The following ATRNL1 variants were observed in gnomAD, a reference collection of about 807,000 sequenced individuals.
ATRNL1 encodes attractin like 1.
Under a neutral mutation model 182.7 loss-of-function variants are expected in ATRNL1, and 95 were observed. The ratio of observed to expected loss-of-function variants is 0.52; its 90% CI spans 0.44 to 0.62. ATRNL1 has a LOEUF of 0.62. ATRNL1 is among the 20% of genes least tolerant of loss of function. ATRNL1 has a pLI of 0.00. For synonymous variants in ATRNL1, 576 were observed against 568.3 expected (o/e 1.01, Z -0.19); for missense variants, 1,471 against 1,679.5 (o/e 0.88, Z 2.17).
Position 115,171,189 on chromosome 10 carries a change from A to G in ATRNL1, c.1245A>G (p.Ser415=), listed in dbSNP as rs1554885462. The change falls in exon 8 of 29, where the codon TCA becomes TCG. Residue 415 remains serine (S), a synonymous_variant. Transcript: ENST00000355044. ...AGCAGTATGCTGTGGAGGGACATTC[A>G]GCACATATTATGGAGTTGGATAGTA... is the stretch of plus-strand genomic sequence containing the variant. ...HGQQYAVEGH[S]AHIMELDSRD... 1.2e-6 allele frequency: 2 copies of G among 1,611,510 alleles called. No individual in the cohort carries two copies. The highest frequency in any genetic ancestry group is 2.2e-5 in the East Asian group (1 of 44,728).
intron 17 of ATRNL1, among the ~76,000 whole-genome samples, chr10:115,313,845 A>G (rs919913645): frequency 2.0e-5 from 3 of 152,298 alleles, no homozygotes; most frequent in Middle Eastern, 6.8e-3. Flanking sequence ...AATAATTGGA[A>G]TGCCAAGCCA....
chr10:115,871,282 A>G (rs1951572620), intron 28 of ATRNL1, among the ~76,000 whole-genome samples: 2 of 151,588 alleles, frequency 1.3e-5, no homozygotes, highest in South Asian at 4.2e-4. Context: ...CAAATTTCCC[A>G]TAATCTTACA....
chr10:115,214,407 A>C (rs1285988567), intron 8 of ATRNL1, among the ~76,000 whole-genome samples: 1 of 152,008 alleles, frequency 6.6e-6, no homozygotes, highest in Admixed American at 6.6e-5. Context: ...TTACCTCCAA[A>C]ATGTAATGCC....
intron 28 of ATRNL1, among the ~76,000 whole-genome samples, chr10:115,940,609 A>G (rs1264063894): frequency 6.6e-6 from 1 of 152,098 alleles, no homozygotes; most frequent in African/African-American, 2.4e-5. Flanking sequence ...TTCTCTTTTC[A>G]TCAGTTAAGA....
intron 27 of ATRNL1, among the ~76,000 whole-genome samples, chr10:115,842,005 CT>C (rs34892942): frequency 0.65 from 98,798 of 151,800 alleles, 33,870 homozygotes; most frequent in East Asian, 0.79. Flanking sequence ...ATCATGCAAG[CT>C]GTTGAAAAAG....
intron 19 of ATRNL1, among the ~76,000 whole-genome samples, chr10:115,371,873 C>T (rs1478172587): frequency 6.6e-6 from 1 of 152,036 alleles, no homozygotes; most frequent in Non-Finnish European, 1.5e-5. Context: ...AATTGTAGCC[C>T]CCGTAATTCC....
intron 28 of ATRNL1, among the ~76,000 whole-genome samples, chr10:115,871,467 C>CCATATATATATATATATA (rs1951578505): frequency 1.8e-4 from 3 of 16,574 alleles, no homozygotes; most frequent in African/African-American, 2.6e-4. Context: ...TGGTCAGATT[C>CCATATATATATATATATA]TTTGTGTGTG....
intron 27 of ATRNL1, among the ~76,000 whole-genome samples, chr10:115,795,586 G>A (rs1565385684): frequency 6.6e-6 from 1 of 152,126 alleles, no homozygotes; most frequent in Non-Finnish European, 1.5e-5. Flanking sequence ...GTGCTATACA[G>A]GCTTCTGCTT....
chr10:115,229,972 C>T (rs1264686205), intron 9 of ATRNL1, among the ~76,000 whole-genome samples: 1 of 152,094 alleles, frequency 6.6e-6, no homozygotes, highest in Non-Finnish European at 1.5e-5. Context: ...CCCCATGTGT[C>T]CCTTTATGAT....
intron 19 of ATRNL1, among the ~76,000 whole-genome samples, chr10:115,389,988 A>G (rs536941459): frequency 2.0e-4 from 30 of 152,178 alleles, no homozygotes; most frequent in Middle Eastern, 6.8e-3. Flanking sequence ...GGCCATTTGT[A>G]TGTCTGCTTT....
chr10:115,122,755 T>C (rs1197290641), intron 3 of ATRNL1, among the ~76,000 whole-genome samples: 1 of 152,128 alleles, frequency 6.6e-6, no homozygotes, highest in Non-Finnish European at 1.5e-5. Context: ...CTTAGGTACT[T>C]ATTCTATGAT....
chr10:115,640,687 G>C (rs1166905105), intron 26 of ATRNL1, among the ~76,000 whole-genome samples: 2 of 152,062 alleles, frequency 1.3e-5, no homozygotes, highest in Non-Finnish European at 2.9e-5. Context: ...TTTGTCAGAT[G>C]GATAGATTGC....
At chr10:115,310,036 G>A (rs1554927369) in intron 17 of ATRNL1, among the ~76,000 whole-genome samples, 2 of 152,074 alleles carry the variant, frequency 1.3e-5, no homozygotes. Flanking sequence ...TCTCTGCCTA[G>A]TTTGTTGAGG....
At chr10:115,429,007 TACA>T (rs1846028476) in intron 21 of ATRNL1, among the ~76,000 whole-genome samples, 1 of 152,138 alleles carries the variant, frequency 6.6e-6, no homozygotes, top group African/African-American at 2.4e-5. Flanking sequence ...TCCTCATCAA[TACA>T]ACATTGTCTC....
intron 17 of ATRNL1, among the ~76,000 whole-genome samples, chr10:115,302,756 CA>C (rs1554925023): frequency 6.6e-6 from 1 of 152,066 alleles, no homozygotes; most frequent in Non-Finnish European, 1.5e-5. Context: ...CTTACAAACA[CA>C]AATGGCGTCA....
At chr10:115,567,164 G>A (rs12267242) in intron 26 of ATRNL1, among the ~76,000 whole-genome samples, 4,285 of 152,206 alleles carry the variant, frequency 0.028, 92 homozygotes, top group East Asian at 0.12. Flanking sequence ...AGTGAAGATT[G>A]AGTGTAGAAT....
At chr10:115,248,968 G>T (rs1850758848) in intron 10 of ATRNL1, among the ~76,000 whole-genome samples, 1 of 151,980 alleles carries the variant, frequency 6.6e-6, no homozygotes, top group South Asian at 2.1e-4. Flanking sequence ...TTGCATTTAA[G>T]ACTAACTTAT....
chr10:115,312,287 G>A (rs1038807845), intron 17 of ATRNL1, among the ~76,000 whole-genome samples: 1 of 152,134 alleles, frequency 6.6e-6, no homozygotes, highest in East Asian at 1.9e-4. Context: ...AGCTTTTCTT[G>A]TAGGGCTGGT....
In ATRNL1 at chr10:115,947,553, A is replaced by C. The variant is rs1382400508; in HGVS notation, c.*2774A>C. The stretch of plus-strand genomic sequence containing the variant: ...TCAGCTAATAAATTTTAAGAGGATT[A>C]GGATTCTCATAATTCTTTAAATGAA... On this transcript the variant is annotated 3_prime_UTR_variant, in exon 29 of 29. Coordinates refer to ENST00000355044, the MANE Select transcript of ATRNL1 (RefSeq NM_207303.4). The C allele has an allele frequency of 2.0e-5, 3 of 152,590 alleles. No homozygotes were observed. The highest frequency in any genetic ancestry group is 6.5e-5 in the Admixed American group (1 of 15,276). The allele number at this position is 152,590 out of a possible 1,614,324, so 9.5% of individuals were successfully genotyped here.
Sources: allele counts gnomAD v4.1 joint callset (sites outside exome capture counted in the v4.1 genomes callset), GRCh38; gene constraint gnomAD v4.1.1; transcripts MANE v1.5; gene names NCBI Gene and HGNC (gene_info 2026-07-23, HGNC 2026-07-21).